The following ARL15 variants were observed in gnomAD, a reference collection of about 807,000 sequenced individuals.
ARL15 encodes ADP-ribosylation factor-like protein 15.
Under a neutral mutation model 25.2 loss-of-function variants are expected in ARL15, and 19 were observed. The observed-to-expected ratio is 0.75, with a 90% CI of 0.53 to 1.10. The LOEUF (loss-of-function observed/expected upper bound fraction) is 1.10. Ranked by LOEUF, ARL15 falls within the 50% of genes least tolerant of loss-of-function variation. The pLI is 0.00. For missense variants in ARL15, 220 were observed against 246.0 expected (o/e 0.89, Z 0.71); for synonymous variants, 94 against 86.8 (o/e 1.08, Z -0.46).
At chr5:53,915,831 GA>G (rs1430944063) in intron 4 of ARL15, among the ~76,000 whole-genome samples, 2 of 151,358 alleles carry the variant, frequency 1.3e-5, no homozygotes, top group Admixed American at 1.3e-4. Flanking sequence ...GTAAGAAAGA[GA>G]AACGACTTGA....
chr5:54,291,213 A>G (rs905044577), intron 1 of ARL15, among the ~76,000 whole-genome samples: 17 of 152,220 alleles, frequency 1.1e-4, no homozygotes, highest in Admixed American at 9.2e-4. Flanking sequence ...TAGAAAACTC[A>G]TCCACCCTGA....
chr5:54,208,424 A>T (rs1035877706), intron 1 of ARL15, among the ~76,000 whole-genome samples: 1 of 152,100 alleles, frequency 6.6e-6, no homozygotes, highest in African/African-American at 2.4e-5. Flanking sequence ...ACGCACACAC[A>T]CACATATTCA....
At chr5:53,896,355 T>TG (rs1744873433) in intron 4 of ARL15, among the ~76,000 whole-genome samples, 1 of 152,000 alleles carries the variant, frequency 6.6e-6, no homozygotes, top group Non-Finnish European at 1.5e-5. Flanking sequence ...TTTTATACTC[T>TG]TAATGTTAAA....
intron 1 of ARL15, among the ~76,000 whole-genome samples, chr5:54,196,538 T>C (rs550079201): frequency 3.7e-4 from 56 of 152,268 alleles, no homozygotes; most frequent in African/African-American, 1.3e-3. Flanking sequence ...ACTTAGAGTA[T>C]TGACTTACAA....
intron 4 of ARL15, among the ~76,000 whole-genome samples, chr5:53,937,297 A>G (rs1746381333): frequency 6.8e-6 from 1 of 147,356 alleles, no homozygotes; most frequent in African/African-American, 2.4e-5. Flanking sequence ...CTGCGCATAC[A>G]CACACACACA....
rs139206043 is a variant in ARL15 at position 54,021,469 on chromosome 5, A to G, written c.462+91733T>C. Among the ~76,000 whole-genome samples the G allele has an allele frequency of 2.9e-3, 447 of 152,360 alleles. 2 individuals are homozygous for G. The highest frequency in any genetic ancestry group is 0.01 in the African/African-American group (430 of 41,588). ...ATAAACTTTAGAACTAAACAATACAATAACTGAACAATACAAAAGCTCAGT... is the reference window on the plus strand; with the variant it reads ...ATAAACTTTAGAACTAAACAATACAGTAACTGAACAATACAAAAGCTCAGT... On this transcript the variant is annotated intron_variant, in intron 4 of 4. Coordinates refer to ENST00000504924, the MANE Select transcript of ARL15 (RefSeq NM_019087.3).
At chr5:53,920,080 T>C (rs1036978918) in intron 4 of ARL15, among the ~76,000 whole-genome samples, 1 of 152,108 alleles carries the variant, frequency 6.6e-6, no homozygotes, top group African/African-American at 2.4e-5. Context: ...TATAACTACT[T>C]AATAGAAAGC....
At chr5:54,051,122 T>C (rs1750689402) in intron 4 of ARL15, among the ~76,000 whole-genome samples, 1 of 152,236 alleles carries the variant, frequency 6.6e-6, no homozygotes, top group South Asian at 2.1e-4. Context: ...GTTGGGCTTA[T>C]GAGAAGCCAA....
At chr5:54,093,122 G>T (rs1169275442) in intron 4 of ARL15, among the ~76,000 whole-genome samples, 1 of 152,218 alleles carries the variant, frequency 6.6e-6, no homozygotes, top group Admixed American at 6.5e-5. Context: ...TGTTAAAGAT[G>T]CAGTGCTTCA....
At chr5:53,946,443 C>T (rs185691940) in intron 4 of ARL15, among the ~76,000 whole-genome samples, 4 of 109,252 alleles carry the variant, frequency 3.7e-5, no homozygotes, top group Non-Finnish European at 6.8e-5. Flanking sequence ...GAGCAAGACT[C>T]GGTCTCAAGA....
intron 4 of ARL15, among the ~76,000 whole-genome samples, chr5:53,921,059 T>A (rs2112017368): frequency 6.6e-6 from 1 of 152,314 alleles, no homozygotes; most frequent in East Asian, 1.9e-4. Context: ...CTGACCATAT[T>A]GCACTGTGAG....
intron 1 of ARL15, among the ~76,000 whole-genome samples, chr5:54,276,268 T>C (rs1415196118): frequency 6.6e-6 from 1 of 152,172 alleles, no homozygotes; most frequent in Non-Finnish European, 1.5e-5. Flanking sequence ...TCCCACACAG[T>C]TGACAATAAA....
At position 54,088,121 on chromosome 5, in the gene ARL15, T is replaced by C. The variant is rs145441482; in HGVS notation, c.462+25081A>G. On this transcript the variant is annotated intron_variant, in intron 4 of 4. Transcript: ENST00000504924. Reference sequence around the variant, plus strand: ...TAGCAAGATATACTGCCAACTAGCATGACTGTTTCCAGAAAGCATATGGGA... The same window carrying C: ...TAGCAAGATATACTGCCAACTAGCACGACTGTTTCCAGAAAGCATATGGGA... Among the ~76,000 whole-genome samples the C allele has an allele frequency of 7.9e-5, 12 of 152,292 alleles. No individual in the cohort carries two copies. In the East Asian group the frequency reaches 2.3e-3, roughly 29 times the overall value.
chr5:54,055,318 C>T (rs1750832757), intron 4 of ARL15, among the ~76,000 whole-genome samples: 1 of 149,406 alleles, frequency 6.7e-6, no homozygotes, highest in African/African-American at 2.5e-5. Context: ...AAGGTTCATC[C>T]ATGTTGTAAC....
chr5:54,247,223 T>G (rs1415492315), intron 1 of ARL15, among the ~76,000 whole-genome samples: 1 of 32,408 alleles, frequency 3.1e-5, no homozygotes, highest in Non-Finnish European at 1.2e-4. Flanking sequence ...TAAAGTTTTG[T>G]TTTTTTTTTT....
At chr5:53,892,780 A>AT in intron 4 of ARL15, among the ~76,000 whole-genome samples, 1 of 151,726 alleles carries the variant, frequency 6.6e-6, no homozygotes, top group South Asian at 2.1e-4. Flanking sequence ...TTTATTTTTT[A>AT]TTTTTTGTAG....
chr5:54,067,035 A>C (rs1306672973), intron 4 of ARL15: 1 of 152,630 alleles, frequency 6.6e-6, no homozygotes, highest in Non-Finnish European at 1.5e-5. Context: ...ATAGATTAAA[A>C]TTTGGCCGTG....
At position 54,136,572 on chromosome 5, in the gene ARL15, G is replaced by GA. The variant is rs200065867; in HGVS notation, c.253+18007dup. 3.0e-3 allele frequency among the ~76,000 whole-genome samples: 450 copies of GA among 148,974 alleles called. 1 individual carries two copies. The highest frequency in any genetic ancestry group is 4.3e-3 in the Non-Finnish European group (290 of 67,192). On this transcript the variant is annotated intron_variant, in intron 3 of 4. Coordinates refer to ENST00000504924, the MANE Select transcript of ARL15 (RefSeq NM_019087.3). Reference sequence around the variant, plus strand: ...ACTGATCTTTTAACAGATTGTGAGGGAAAAAAAAACATACATTAAAAGAAG... The same window carrying GA: ...ACTGATCTTTTAACAGATTGTGAGGGAAAAAAAAAACATACATTAAAAGAAG...
intron 3 of ARL15, among the ~76,000 whole-genome samples, chr5:54,132,600 TAAG>T (rs1297442934): frequency 6.6e-6 from 1 of 152,216 alleles, no homozygotes; most frequent in Non-Finnish European, 1.5e-5. Flanking sequence ...GTAAGTTTAT[TAAG>T]AAAGTAGAGG....
Sources: allele counts gnomAD v4.1 joint callset (sites outside exome capture counted in the v4.1 genomes callset), GRCh38; gene constraint gnomAD v4.1.1; transcripts MANE v1.5; gene names NCBI Gene and HGNC (gene_info 2026-07-23, HGNC 2026-07-21).